The following SNX14 variants were observed in gnomAD, a reference collection of about 807,000 sequenced individuals.
SNX14 encodes sorting nexin 14, also known as sorting nexin-14.
SNX14 carries 93 observed loss-of-function variants against 133.8 expected under a neutral mutation model. That is an observed-to-expected ratio of 0.70 (90% CI 0.59 to 0.83). The LOEUF (loss-of-function observed/expected upper bound fraction) is 0.83. Among genes scored for constraint, SNX14 ranks in the 40% least tolerant of loss-of-function variants. The pLI is 0.00. For synonymous variants in SNX14, 368 were observed against 365.6 expected (o/e 1.01, Z -0.07); for missense variants, 945 against 1,094.9 (o/e 0.86, Z 1.93).
In SNX14 at chr6:85,526,208, A is replaced by G; in HGVS notation, c.2025T>C (p.Asn675=). The G allele has an allele frequency of 1.2e-6, 2 of 1,607,412 alleles. No individual in the cohort carries two copies. Among genetic ancestry groups the G allele is most frequent in the East Asian group, 2.2e-5 (1 of 44,592 alleles). ...QKLLQHPELS[N]SQLLADFLSP... Reference sequence around the variant, plus strand: ...AAAGAAAGTCTGCCAGAAGTTGACTATTACTCAGTTCTGGATGCTGCAGAA... The same window carrying G: ...AAAGAAAGTCTGCCAGAAGTTGACTGTTACTCAGTTCTGGATGCTGCAGAA... Residue 675 remains asparagine, a synonymous_variant, in exon 21 of 29, where the codon AAT becomes AAC. Coordinates refer to ENST00000314673, the MANE Select transcript of SNX14 (RefSeq NM_153816.6).
chr6:85,584,169 A>G (rs1458478255), intron 1 of SNX14, among the ~76,000 whole-genome samples: 3 of 152,228 alleles, frequency 2.0e-5, no homozygotes, highest in Non-Finnish European at 4.4e-5. Context: ...TATTTAATAA[A>G]TGGTGTTGGG....
chr6:85,530,272 C>T lies in SNX14; in HGVS notation c.1814G>A (p.Gly605Glu). 6.3e-7 allele frequency: 1 copy of T among 1,591,628 alleles called. No individual in the cohort carries two copies. Among genetic ancestry groups the T allele is most frequent in the Non-Finnish European group, 8.6e-7 (1 of 1,167,562 alleles). Residue 605 changes from glycine to glutamate, a missense_variant, in exon 19 of 29, where the codon GGA becomes GAA. Gly to Glu is a moderately conservative substitution (Grantham distance 98). This residue lies in a region of SNX14 where 412 missense variants were observed against 516.6 expected (regional missense o/e 0.80). Transcript: ENST00000314673. ...DVERNDRRAV[G>E]HEPEHWSVYR... ...GACAGACCAATGTTCAGGCTCGTGT[C>T]CAACTGTAAATTGAGTACACACACA... is the stretch of plus-strand genomic sequence containing the variant.
At chr6:85,574,837 C>T (rs888183569) in intron 1 of SNX14, among the ~76,000 whole-genome samples, 6 of 151,510 alleles carry the variant, frequency 4.0e-5, no homozygotes, top group Admixed American at 1.3e-4. Context: ...AGTGGTGATA[C>T]GTAAGTAAAA....
intron 15 of SNX14, 22 bp from the exon 16 acceptor site, chr6:85,538,886 A>C: frequency 6.3e-7 from 1 of 1,586,776 alleles, no homozygotes; most frequent in Middle Eastern, 1.7e-4. Context: ...GGTATGTGAA[A>C]TAATATAAGG....
Position 85,548,396 on chromosome 6 carries a change from T to C in SNX14, c.792-20A>G, listed in dbSNP as rs149942781. The C allele has an allele frequency of 5.4e-4, 815 of 1,518,084 alleles. No homozygotes were observed. The highest frequency in any genetic ancestry group is 5.5e-4 in the Non-Finnish European group (611 of 1,113,462). The allele number at this position is 1,518,084 out of a possible 1,614,324, so 94.0% of individuals were successfully genotyped here. On this transcript the variant is annotated intron_variant, in intron 8 of 28. Transcript: ENST00000314673. ...AGAGATCTGGAAAAAGAAATAATAA[T>C]AATTGTTTATATTTAGTGATTTATA...
At chr6:85,547,672 G>A in intron 9 of SNX14, 122 bp from the exon 10 acceptor site, 1 of 796,482 alleles carries the variant, frequency 1.3e-6, no homozygotes, top group Non-Finnish European at 1.9e-6. Context: ...TGGAGCAGTA[G>A]CAAAAAATCT....
chr6:85,572,264 G>A (rs982167885), intron 3 of SNX14, 34 bp downstream of exon 3: 1 of 1,610,006 alleles, frequency 6.2e-7, no homozygotes, highest in African/African-American at 1.3e-5. Flanking sequence ...AATGTAATTA[G>A]AAGGATCAAC....
chr6:85,579,792 A>ATAAACTTGAAAGGTCTTAAG (rs1798484196), intron 1 of SNX14, among the ~76,000 whole-genome samples: 1 of 152,236 alleles, frequency 6.6e-6, no homozygotes, highest in African/African-American at 2.4e-5. Context: ...GAGTTCTTAA[A>ATAAACTTGAAAGGTCTTAAG]TAAACTTGAA....
At chr6:85,557,123 G>A (rs1790048534) in intron 7 of SNX14, among the ~76,000 whole-genome samples, 2 of 152,156 alleles carry the variant, frequency 1.3e-5, no homozygotes, top group Admixed American at 6.5e-5. Flanking sequence ...AAATATGACC[G>A]TGAAACCTCT....
chr6:85,526,329 A>C (rs1338999988), intron 20 of SNX14, 92 bp from the exon 21 acceptor site: 3 of 758,734 alleles, frequency 4.0e-6, no homozygotes. Context: ...TTAAATCCCC[A>C]AAAGCTACTT....
intron 18 of SNX14, among the ~76,000 whole-genome samples, chr6:85,531,188 A>C (rs1017893422): frequency 6.6e-6 from 1 of 152,200 alleles, no homozygotes; most frequent in Non-Finnish European, 1.5e-5. Context: ...TGGTTTAAAG[A>C]GTAAGTCTGG....
Position 85,536,793 on chromosome 6 carries a change from A to G in SNX14, c.1607T>C (p.Phe536Ser). The G allele has an allele frequency of 3.1e-6, 5 of 1,606,908 alleles. No homozygotes were observed. The highest frequency in any genetic ancestry group is 4.2e-6 in the Non-Finnish European group (5 of 1,177,464). The change falls in exon 17 of 29, where the codon TTT (phenylalanine) becomes TCT (serine). Residue 536 changes from phenylalanine to serine, a missense_variant and splice_region_variant. Phe to Ser is a radical substitution (Grantham distance 155). Coordinates refer to ENST00000314673, the MANE Select transcript of SNX14 (RefSeq NM_153816.6). Reference sequence around the variant, plus strand: ...ATCAAATTGATACATTTTACTTACAAAATCATCTTCACCTTCAGCTACACC... The same window carrying G: ...ATCAAATTGATACATTTTACTTACAGAATCATCTTCACCTTCAGCTACACC... ...NYGVAEGEDD[F>S]IEEGIVVMED...
chr6:85,562,738 C>A (rs1792137487), intron 6 of SNX14, among the ~76,000 whole-genome samples: 1 of 151,554 alleles, frequency 6.6e-6, no homozygotes, highest in East Asian at 1.9e-4. Flanking sequence ...TACAGGTGTG[C>A]ACGATTACAC....
At position 85,533,746 on chromosome 6, in the gene SNX14, T is replaced by A; in HGVS notation, c.1663A>T (p.Thr555Ser). The A allele has an allele frequency of 6.2e-7, 1 of 1,614,044 alleles. No homozygotes were observed. The highest frequency in any genetic ancestry group is 8.5e-7 in the Non-Finnish European group (1 of 1,180,024). ...EDDSPVEAVS[T>S]PNTPRNLAAW... ...GCAAGGTTTCGGGGAGTATTAGGTG[T>A]GCTCACAGCCTCCACTGGAGAATCA... The change falls in exon 18 of 29, where the codon ACA (threonine) becomes TCA (serine). Residue 555 changes from threonine (T) to serine (S), a missense_variant. Thr to Ser is a moderately conservative substitution (Grantham distance 58). Coordinates refer to ENST00000314673, the MANE Select transcript of SNX14 (RefSeq NM_153816.6).
intron 2 of SNX14, 50 bp from the exon 3 acceptor site, chr6:85,572,424 T>A (rs761675399): frequency 7.5e-7 from 1 of 1,340,242 alleles, no homozygotes; most frequent in Admixed American, 2.2e-5. Context: ...TTACATAACA[T>A]CTTTATTTAA....
At chr6:85,523,020 A>T (rs1234925224) in intron 21 of SNX14, among the ~76,000 whole-genome samples, 1 of 152,194 alleles carries the variant, frequency 6.6e-6, no homozygotes, top group Non-Finnish European at 1.5e-5. Flanking sequence ...TTTCAGCTGG[A>T]TCTTCAAAAA....
At chr6:85,589,463 C>T (rs1802117667) in intron 1 of SNX14, 1 of 153,984 alleles carries the variant, frequency 6.5e-6, no homozygotes, top group Non-Finnish European at 1.4e-5. Context: ...AGTGAGCCAT[C>T]CACCTTGGCC....
chr6:85,558,202 A>G (rs753729454), intron 6 of SNX14, 142 bp from the exon 7 acceptor site: 19 of 560,206 alleles, frequency 3.4e-5, no homozygotes, highest in Non-Finnish European at 5.3e-5. Context: ...ATATTCCTGC[A>G]TCATACTAAC....
chr6:85,546,209 G>A (rs1260576097), intron 12 of SNX14, among the ~76,000 whole-genome samples: 1 of 152,102 alleles, frequency 6.6e-6, no homozygotes, highest in African/African-American at 2.4e-5. Context: ...TTTCTGGGCT[G>A]ATGGAAATAA....
Sources: gnomAD v4.1 joint callset for allele counts (sites outside exome capture counted in the v4.1 genomes callset) on GRCh38, gnomAD v4.1.1 for gene constraint, gnomAD v4.1.1 regional missense constraint, MANE v1.5 for transcripts, NCBI Gene and HGNC (gene_info 2026-07-23, HGNC 2026-07-21) for gene names.